The following PLCL1 variants were observed in gnomAD, a reference collection of about 807,000 sequenced individuals.
PLCL1 encodes the protein phospholipase C like 1 (inactive).
Under a neutral mutation model 84.4 loss-of-function variants are expected in PLCL1, and 41 were observed. That is an observed-to-expected ratio of 0.49 (90% CI 0.38 to 0.63). The LOEUF is 0.63. PLCL1 is among the 30% of genes least tolerant of loss of function. PLCL1 has a pLI of 0.00. For missense variants in PLCL1, 1,206 were observed against 1,367.8 expected, an observed-to-expected ratio of 0.88 and a Z score of 1.87; for synonymous variants, 490 against 488.3, an observed-to-expected ratio of 1.00 and a Z score of -0.05.
At chr2:197,924,466 A>G (rs543054318) in intron 1 of PLCL1, among the ~76,000 whole-genome samples, 27 of 152,230 alleles carry the variant, frequency 1.8e-4, no homozygotes, top group Non-Finnish European at 2.8e-4. Context: ...TCTTAGTAAC[A>G]ACAACAAACA....
intron 1 of PLCL1, among the ~76,000 whole-genome samples, chr2:198,078,008 C>T (rs1050287531): frequency 9.9e-5 from 15 of 152,044 alleles, no homozygotes; most frequent in Non-Finnish European, 2.1e-4. Flanking sequence ...ATTAGGATAC[C>T]TTCCTAATCT....
Position 197,980,490 on chromosome 2 carries a change from G to A in PLCL1, c.241-103268G>A, listed in dbSNP as rs76243576. Reference sequence around the variant, plus strand: ...GGACACTCACTTATTAATTCACCTCGTATCCTCAGTGTCTACTACACTGCT... The same window carrying A: ...GGACACTCACTTATTAATTCACCTCATATCCTCAGTGTCTACTACACTGCT... On this transcript the variant is annotated intron_variant, in intron 1 of 5. Coordinates refer to ENST00000428675, the MANE Select transcript of PLCL1 (RefSeq NM_006226.4). Among the ~76,000 whole-genome samples the A allele has an allele frequency of 9.4e-3, 1,426 of 152,202 alleles. 24 individuals are homozygous for A. The highest frequency in any genetic ancestry group is 0.033 in the African/African-American group (1,353 of 41,494).
intron 5 of PLCL1, among the ~76,000 whole-genome samples, chr2:198,110,835 T>G (rs111699543): frequency 2.0e-5 from 3 of 151,738 alleles, no homozygotes; most frequent in African/African-American, 7.3e-5. Flanking sequence ...ACTTTTCCAG[T>G]GGTGTCTCTG....
chr2:198,117,888 T>G (rs996975555), intron 5 of PLCL1, among the ~76,000 whole-genome samples: 1 of 151,856 alleles, frequency 6.6e-6, no homozygotes, highest in Admixed American at 6.6e-5. Flanking sequence ...ACTTCCTTCC[T>G]GTTCTCCTTT....
intron 1 of PLCL1, among the ~76,000 whole-genome samples, chr2:197,904,754 A>G (rs1688342729): frequency 6.6e-6 from 1 of 152,212 alleles, no homozygotes; most frequent in Admixed American, 6.5e-5. Context: ...TTTGAACTAA[A>G]TGCATATGAT....
chr2:198,112,000 A>C (rs1276808351), intron 5 of PLCL1, among the ~76,000 whole-genome samples: 1 of 151,876 alleles, frequency 6.6e-6, no homozygotes, highest in African/African-American at 2.4e-5. Context: ...CTACAGCGAG[A>C]GAGTGTATCT....
chr2:198,110,907 CA>C (rs1052625049), intron 5 of PLCL1, among the ~76,000 whole-genome samples: 1 of 151,264 alleles, frequency 6.6e-6, no homozygotes, highest in African/African-American at 2.4e-5. Flanking sequence ...TTTGAGTATT[CA>C]GAAAAAAAAG....
At chr2:198,040,162 G>C (rs569757473) in intron 1 of PLCL1, among the ~76,000 whole-genome samples, 1 of 152,238 alleles carries the variant, frequency 6.6e-6, no homozygotes, top group South Asian at 2.1e-4. Context: ...GGAAATCATA[G>C]AGCATGCTGA....
chr2:197,922,184 A>G (rs1036551580), intron 1 of PLCL1, among the ~76,000 whole-genome samples: 9 of 107,908 alleles, frequency 8.3e-5, no homozygotes, highest in Non-Finnish European at 1.5e-4. Context: ...TGTGTCCCTG[A>G]TTACTTGAGA....
At chr2:197,829,368 CT>C (rs1691005501) in intron 1 of PLCL1, among the ~76,000 whole-genome samples, 1 of 152,100 alleles carries the variant, frequency 6.6e-6, no homozygotes, top group South Asian at 2.1e-4. Context: ...GAGCCGTGCC[CT>C]ATCACCACCT....
chr2:198,055,294 CCTCTCT>C (rs772260935), intron 1 of PLCL1, among the ~76,000 whole-genome samples: 66 of 120,310 alleles, frequency 5.5e-4, no homozygotes, highest in East Asian at 1.0e-3. Context: ...CTGGTCAAAG[CCTCTCT>C]CTCTCTCTCT....
Position 197,805,384 on chromosome 2 carries a change from G to T in PLCL1, c.240+45G>T, listed in dbSNP as rs1390176865. 1 of 1,325,298 alleles carries T rather than the reference G, an allele frequency of 7.5e-7. No homozygotes were observed. 82.1% of individuals were successfully genotyped at this position (1,325,298 alleles called of 1,614,324 possible). On this transcript the variant is annotated intron_variant, in intron 1 of 5. Coordinates refer to ENST00000428675, the MANE Select transcript of PLCL1 (RefSeq NM_006226.4). This position sits in a 1 kb window ranked among gnomAD's most constrained non-coding sequence, Gnocchi z 4.0. ...ACCGGGAGCGTGGCTGTGGGTGATGGGTGGGTCAGGGACCCGGGCAGGATG... is the reference window on the plus strand; with the variant it reads ...ACCGGGAGCGTGGCTGTGGGTGATGTGTGGGTCAGGGACCCGGGCAGGATG...
chr2:197,953,926 T>A (rs536437433), intron 1 of PLCL1, among the ~76,000 whole-genome samples: 7 of 151,336 alleles, frequency 4.6e-5, no homozygotes, highest in Non-Finnish European at 1.0e-4. Context: ...GTAGAATAAA[T>A]CTGCATGTAT....
chr2:198,048,953 A>G (rs1361780712), intron 1 of PLCL1, among the ~76,000 whole-genome samples: 1 of 152,226 alleles, frequency 6.6e-6, no homozygotes, highest in Non-Finnish European at 1.5e-5. Flanking sequence ...GGCAAAGTGA[A>G]TGGCTTATGC....
rs369945912 is a variant in PLCL1 at position 197,911,748 on chromosome 2, T to C, written c.240+106409T>C. 1.1e-4 allele frequency among the ~76,000 whole-genome samples: 16 copies of C among 152,322 alleles called. 1 individual carries two copies. Among genetic ancestry groups the C allele is most frequent in the African/African-American group, 3.6e-4 (15 of 41,568 alleles). Reference sequence around the variant, plus strand: ...TAGCATATAATATTCACTAGGATAATAGATCAAGAGTTTTCAGTAAAAACA... The same window carrying C: ...TAGCATATAATATTCACTAGGATAACAGATCAAGAGTTTTCAGTAAAAACA... On this transcript the variant is annotated intron_variant, in intron 1 of 5. Transcript: ENST00000428675.
chr2:197,861,825 A>G (rs150440429), intron 1 of PLCL1, among the ~76,000 whole-genome samples: 1,968 of 152,334 alleles, frequency 0.013, 27 homozygotes, highest in South Asian at 0.042. Flanking sequence ...GAGTGACAGT[A>G]TAGGAGAAAC....
chr2:197,933,612 T>C (rs1034487391), intron 1 of PLCL1, among the ~76,000 whole-genome samples: 6 of 152,200 alleles, frequency 3.9e-5, no homozygotes, highest in Non-Finnish European at 7.3e-5. Flanking sequence ...GGGTAATTGG[T>C]GAATTGACTA....
chr2:198,101,197 ATCATGTGGGTCTC>A (rs1693323859), intron 3 of PLCL1, 75 bp from the exon 4 acceptor site: 1 of 766,956 alleles, frequency 1.3e-6, no homozygotes, highest in Non-Finnish European at 2.3e-6. Context: ...TACTGGAGGT[ATCATGTGGGTCTC>A]TCTGTATGTC....
intron 1 of PLCL1, among the ~76,000 whole-genome samples, chr2:198,024,923 A>G (rs1691229026): frequency 1.3e-5 from 2 of 152,148 alleles, no homozygotes; most frequent in Admixed American, 1.3e-4. Context: ...CATAAACAAC[A>G]GGACCATTGA....
Sources: gnomAD v4.1 joint callset for allele counts (sites outside exome capture counted in the v4.1 genomes callset) on GRCh38, gnomAD v4.1.1 for gene constraint, Gnocchi (gnomAD v3.1) non-coding constraint, MANE v1.5 for transcripts, NCBI Gene and HGNC (gene_info 2026-07-23, HGNC 2026-07-21) for gene names.